The following DGKG variants were observed in gnomAD, a reference collection of about 807,000 sequenced individuals.
The protein encoded by DGKG is diacylglycerol kinase gamma.
In DGKG, 78 loss-of-function variants were observed where a neutral mutation model predicts 105.3. That is an observed-to-expected ratio of 0.74 (90% CI 0.62 to 0.89). DGKG has a LOEUF of 0.89. DGKG is among the 40% of genes least tolerant of loss of function. The pLI is 0.00. For synonymous variants in DGKG, 346 were observed against 367.1 expected (o/e 0.94, Z 0.66); for missense variants, 958 against 1,020.1 (o/e 0.94, Z 0.83).
intron 16 of DGKG, among the ~76,000 whole-genome samples, chr3:186,259,509 C>T (rs146001129): frequency 4.3e-4 from 66 of 152,278 alleles, no homozygotes; most frequent in Admixed American, 1.4e-3. Flanking sequence ...CTTGTACTAC[C>T]GCTGCCATAA....
intron 24 of DGKG, among the ~76,000 whole-genome samples, chr3:186,150,744 G>T (rs932533981): frequency 6.6e-6 from 1 of 152,176 alleles, no homozygotes; most frequent in Admixed American, 6.5e-5. Flanking sequence ...CTTGGCCTTC[G>T]AGGGAAGACC....
intron 1 of DGKG, among the ~76,000 whole-genome samples, chr3:186,348,770 C>T (rs1431259657): frequency 6.6e-6 from 1 of 152,006 alleles, no homozygotes; most frequent in Non-Finnish European, 1.5e-5. Flanking sequence ...CTTACTACCC[C>T]CAAATTCCAC....
At chr3:186,260,352 A>G in intron 16 of DGKG, 87 bp downstream of exon 16, 2 of 971,816 alleles carry the variant, frequency 2.1e-6, no homozygotes, top group Non-Finnish European at 3.2e-6. Flanking sequence ...GAGAGACGAA[A>G]GAAAAAAAAG....
intron 16 of DGKG, 95 bp downstream of exon 16, chr3:186,260,344 G>C (rs894596747): frequency 2.3e-6 from 2 of 882,554 alleles, no homozygotes; most frequent in Non-Finnish European, 3.7e-6. Flanking sequence ...AACAAGTTGA[G>C]AGACGAAAGA....
intron 2 of DGKG, among the ~76,000 whole-genome samples, chr3:186,308,584 A>C (rs1163627035): frequency 6.6e-6 from 1 of 152,180 alleles, no homozygotes; most frequent in African/African-American, 2.4e-5. Context: ...ACTTGGATTC[A>C]ATCAAGCAGA....
intron 20 of DGKG, among the ~76,000 whole-genome samples, chr3:186,230,021 A>G (rs1457310574): frequency 6.6e-6 from 1 of 152,138 alleles, no homozygotes; most frequent in Non-Finnish European, 1.5e-5. Context: ...GCACTTTGGG[A>G]GGCCGAGGCG....
In DGKG at chr3:186,320,490, A is replaced by G; in HGVS notation, c.-31T>C. 6.2e-7 allele frequency: 1 copy of G among 1,614,150 alleles called. No homozygotes were observed. Among genetic ancestry groups the G allele is most frequent in the Non-Finnish European group, 8.5e-7 (1 of 1,180,014 alleles). The stretch of plus-strand genomic sequence containing the variant: ...AACTTTATGTGAGTGGCTAAAGGGC[A>G]GTGATGGAGTTTTGTTCACTAGGCT... On this transcript the variant is annotated 5_prime_UTR_variant, in exon 2 of 25. Transcript: ENST00000265022.
chr3:186,307,662 T>C (rs1282488454), intron 2 of DGKG, among the ~76,000 whole-genome samples: 1 of 152,252 alleles, frequency 6.6e-6, no homozygotes, highest in Non-Finnish European at 1.5e-5. Flanking sequence ...AGTCTTTGTC[T>C]ATCATACTAA....
At chr3:186,168,887 A>G (rs1223729723) in intron 22 of DGKG, among the ~76,000 whole-genome samples, 1 of 152,182 alleles carries the variant, frequency 6.6e-6, no homozygotes, top group Non-Finnish European at 1.5e-5. Flanking sequence ...GTGCTGGGGA[A>G]CGGAATATGC....
chr3:186,172,432 T>A (rs1324941902), intron 22 of DGKG, among the ~76,000 whole-genome samples: 1 of 152,158 alleles, frequency 6.6e-6, no homozygotes, highest in African/African-American at 2.4e-5. Context: ...CCAACAGAAT[T>A]TCTAAACCAC....
At position 186,359,225 on chromosome 3, in the gene DGKG, T is replaced by A. The variant is rs191390616; in HGVS notation, c.-249+2721A>T. ...ACCCTTTTTGAAAAGTGGCTTCTCA[T>A]ATATACTGTGAGCCTTAAAACATTC... is the stretch of plus-strand genomic sequence containing the variant. On this transcript the variant is annotated intron_variant, in intron 1 of 24. Coordinates refer to ENST00000265022, the MANE Select transcript of DGKG (RefSeq NM_001346.3). 1.0e-3 allele frequency among the ~76,000 whole-genome samples: 158 copies of A among 152,334 alleles called. 1 individual carries two copies. The East Asian group carries it at 0.027, about 26-fold the overall frequency.
intron 21 of DGKG, among the ~76,000 whole-genome samples, chr3:186,204,687 A>C (rs1399010586): frequency 6.6e-6 from 1 of 152,138 alleles, no homozygotes; most frequent in African/African-American, 2.4e-5. Flanking sequence ...TGTTAGAATA[A>C]CATAGTCATT....
chr3:186,275,312 G>A (rs1722526334), intron 10 of DGKG, among the ~76,000 whole-genome samples: 1 of 152,146 alleles, frequency 6.6e-6, no homozygotes, highest in African/African-American at 2.4e-5. Context: ...TCTTCTAGGG[G>A]GTCAGTGGCT....
At chr3:186,279,789 T>G in intron 9 of DGKG, 62 bp downstream of exon 9, 6 of 1,586,426 alleles carry the variant, frequency 3.8e-6, no homozygotes, top group Non-Finnish European at 4.3e-6. Flanking sequence ...ATGTTGATAT[T>G]AACATGAAGC....
chr3:186,314,248 G>A (rs553360159), intron 2 of DGKG, among the ~76,000 whole-genome samples: 1 of 151,230 alleles, frequency 6.6e-6, no homozygotes, highest in Admixed American at 6.6e-5. Context: ...TGAAGGTTGA[G>A]CTCCAGTGGG....
At chr3:186,280,566 G>C in intron 8 of DGKG, 104 bp downstream of exon 8, 3 of 867,332 alleles carry the variant, frequency 3.5e-6, no homozygotes, top group Non-Finnish European at 5.6e-6. Flanking sequence ...AAGAAGATGA[G>C]TCTGGGAGCA....
intron 24 of DGKG, 22 bp downstream of exon 24, chr3:186,161,581 C>T (rs1716293714): frequency 6.2e-7 from 1 of 1,614,110 alleles, no homozygotes; most frequent in East Asian, 2.2e-5. Context: ...TCATCCCCAT[C>T]TCAAAGATTG....
intron 24 of DGKG, among the ~76,000 whole-genome samples, chr3:186,153,937 T>C (rs1715898354): frequency 6.6e-6 from 1 of 152,110 alleles, no homozygotes; most frequent in Admixed American, 6.5e-5. Flanking sequence ...AAACTTCGTC[T>C]CTACAAAAAA....
intron 19 of DGKG, among the ~76,000 whole-genome samples, chr3:186,250,843 C>A (rs1042476188): frequency 6.6e-6 from 1 of 152,110 alleles, no homozygotes; most frequent in Admixed American, 6.5e-5. Context: ...AGCTACCGTG[C>A]CTGACCAATT....
Sources: allele counts gnomAD v4.1 joint callset (sites outside exome capture counted in the v4.1 genomes callset), GRCh38; gene constraint gnomAD v4.1.1; transcripts MANE v1.5; gene names NCBI Gene and HGNC (gene_info 2026-07-23, HGNC 2026-07-21).